Variants in ERC2 observed in about 807,000 individuals in gnomAD.
ERC2 encodes ELKS/RAB6-interacting/CAST family member 2, also known as ERC protein 2.
Under a neutral mutation model 114.8 loss-of-function variants are expected in ERC2, and 42 were observed. That is an observed-to-expected ratio of 0.37 (90% confidence interval 0.29 to 0.47). The LOEUF (loss-of-function observed/expected upper bound fraction) is 0.47. Ranked by LOEUF, ERC2 falls within the 20% of genes least tolerant of loss-of-function variation. The probability of loss-of-function intolerance (pLI) is 0.99; values close to 1 mark genes in which losing one functional copy is unlikely to be tolerated. For missense variants in ERC2, 939 were observed against 1,150.7 expected (o/e 0.82, Z 2.66); for synonymous variants, 454 against 425.5 (o/e 1.07, Z -0.82).
chr3:56,289,528 T>G (rs1439314543), intron 3 of ERC2, among the ~76,000 whole-genome samples: 3 of 152,210 alleles, frequency 2.0e-5, no homozygotes, highest in Non-Finnish European at 4.4e-5. Flanking sequence ...CTCAGTGATC[T>G]GAGACCAAAC....
chr3:56,205,052 C>G (rs1431188890), intron 3 of ERC2, among the ~76,000 whole-genome samples: 27 of 151,884 alleles, frequency 1.8e-4, no homozygotes, highest in Admixed American at 1.8e-3. Flanking sequence ...TTTAACACTC[C>G]ATAAAACTCT....
chr3:56,040,597 A>ATATATGTATATATAATATATAGATG (rs1576670503), intron 7 of ERC2, among the ~76,000 whole-genome samples: 5 of 2,732 alleles, frequency 1.8e-3, no homozygotes, highest in African/African-American at 5.3e-3. Flanking sequence ...ATATATATCT[A>ATATATGTATATATAATATATAGATG]TATATGTATA....
chr3:56,439,723 T>C (rs2062199602), intron 1 of ERC2, among the ~76,000 whole-genome samples: 1 of 152,172 alleles, frequency 6.6e-6, no homozygotes, highest in Admixed American at 6.5e-5. Flanking sequence ...TCTTTATCTT[T>C]AATAAAATTT....
chr3:56,182,098 T>C (rs551629893), intron 3 of ERC2, among the ~76,000 whole-genome samples: 1 of 152,332 alleles, frequency 6.6e-6, no homozygotes, highest in African/African-American at 2.4e-5. Flanking sequence ...TATGCAGCCA[T>C]ATATTGCAAA....
At chr3:56,403,216 C>T (rs540848348) in intron 2 of ERC2, among the ~76,000 whole-genome samples, 1 of 152,156 alleles carries the variant, frequency 6.6e-6, no homozygotes, top group African/African-American at 2.4e-5. Flanking sequence ...TAGATGCCTT[C>T]TCAGTACCAA....
At chr3:56,205,438 C>G (rs553793986) in intron 3 of ERC2, among the ~76,000 whole-genome samples, 5 of 152,308 alleles carry the variant, frequency 3.3e-5, no homozygotes, top group African/African-American at 7.2e-5. Context: ...ACCCCAATTA[C>G]TCTAGCATCT....
At chr3:56,262,752 C>G (rs1433477750) in intron 3 of ERC2, among the ~76,000 whole-genome samples, 2 of 152,208 alleles carry the variant, frequency 1.3e-5, no homozygotes, top group Non-Finnish European at 2.9e-5. Flanking sequence ...TCTAAAGTTA[C>G]TAACTTTCCT....
chr3:56,391,497 A>G (rs2060126500), intron 2 of ERC2, among the ~76,000 whole-genome samples: 1 of 152,224 alleles, frequency 6.6e-6, no homozygotes, highest in South Asian at 2.1e-4. Context: ...AGAAATGGTT[A>G]AGGGGTTAAG....
intron 14 of ERC2, among the ~76,000 whole-genome samples, chr3:55,842,203 A>G (rs1443947658): frequency 1.3e-5 from 2 of 152,230 alleles, no homozygotes; most frequent in Non-Finnish European, 2.9e-5. Context: ...GTGGAAGTCA[A>G]ACTCAGGTTG....
At chr3:55,904,190 G>A (rs1334258560) in intron 13 of ERC2, among the ~76,000 whole-genome samples, 2 of 152,174 alleles carry the variant, frequency 1.3e-5, no homozygotes, top group African/African-American at 4.8e-5. Flanking sequence ...GGAATAGGTG[G>A]CACAACATTT....
chr3:56,065,616 G>A lies in ERC2; in HGVS notation c.1641+15201C>T, dbSNP rs115004139. On this transcript the variant is annotated intron_variant, in intron 7 of 17. Coordinates refer to ENST00000288221, the MANE Select transcript of ERC2 (RefSeq NM_015576.3). ...AGGTTAATGTGTGCCACGGTGGTTC[G>A]CTGCACCTATCAATCCAACACCTAG... 4.5e-3 allele frequency among the ~76,000 whole-genome samples: 679 copies of A among 151,942 alleles called. 7 individuals carry two copies. The highest frequency in any genetic ancestry group is 0.015 in the African/African-American group (618 of 41,398).
intron 10 of ERC2, among the ~76,000 whole-genome samples, chr3:55,995,550 T>C (rs1402660556): frequency 6.6e-6 from 1 of 152,172 alleles, no homozygotes; most frequent in Non-Finnish European, 1.5e-5. Flanking sequence ...AAAAGTCATA[T>C]AAAGATGACA....
At chr3:55,961,613 CAATTT>C (rs1203645009) in intron 12 of ERC2, among the ~76,000 whole-genome samples, 6 of 152,086 alleles carry the variant, frequency 3.9e-5, no homozygotes, top group African/African-American at 7.2e-5. Context: ...CTGCTGGTGA[CAATTT>C]AATTTAATTT....
chr3:55,646,432 C>T (rs1448624595), intron 17 of ERC2, among the ~76,000 whole-genome samples: 1 of 152,124 alleles, frequency 6.6e-6, no homozygotes, highest in Non-Finnish European at 1.5e-5. Flanking sequence ...GTATTATACT[C>T]TTGTGTTACT....
chr3:55,555,132 C>T (rs976236165), intron 17 of ERC2, among the ~76,000 whole-genome samples: 3 of 151,988 alleles, frequency 2.0e-5, no homozygotes, highest in Non-Finnish European at 2.9e-5. Context: ...TGAGACATGC[C>T]GCCCTTGCTA....
intron 3 of ERC2, among the ~76,000 whole-genome samples, chr3:56,196,062 T>C (rs2048082047): frequency 6.6e-6 from 1 of 152,128 alleles, no homozygotes; most frequent in Non-Finnish European, 1.5e-5. Context: ...TACTGATTTT[T>C]AGCCAGCTAA....
At chr3:56,260,114 A>T (rs761013542) in intron 3 of ERC2, among the ~76,000 whole-genome samples, 13 of 152,136 alleles carry the variant, frequency 8.5e-5, no homozygotes, top group Non-Finnish European at 1.9e-4. Context: ...CCCACTTCTC[A>T]TTCCACCTTT....
intron 6 of ERC2, among the ~76,000 whole-genome samples, chr3:56,121,843 C>T (rs186530279): frequency 1.3e-5 from 2 of 152,084 alleles, no homozygotes; most frequent in Admixed American, 6.5e-5. Context: ...TGAGGCTTAC[C>T]GTGCCCAGGA....
At chr3:55,686,226 A>G (rs551188055) in intron 16 of ERC2, among the ~76,000 whole-genome samples, 15 of 152,344 alleles carry the variant, frequency 9.8e-5, no homozygotes, top group African/African-American at 3.6e-4. Context: ...CTAGTGAATA[A>G]AGTAAAGAAA....
Sources: gnomAD v4.1 joint callset for allele counts (sites outside exome capture counted in the v4.1 genomes callset) on GRCh38, gnomAD v4.1.1 for gene constraint, MANE v1.5 for transcripts, NCBI Gene and HGNC (gene_info 2026-07-23, HGNC 2026-07-21) for gene names.